SNTG1: variants seen among roughly 807,000 people sequenced by gnomAD.
The protein encoded by SNTG1 is syntrophin gamma 1, also known as gamma-1-syntrophin.
A neutral mutation model predicts 74.7 loss-of-function variants in SNTG1; 39 were observed. The observed-to-expected ratio is 0.52, with a 90% confidence interval of 0.40 to 0.68. The LOEUF is 0.68. SNTG1 is among the 30% of genes least tolerant of loss of function. The pLI is 0.00. For missense variants in SNTG1, 685 were observed against 609.5 expected (o/e 1.12, Z -1.30); for synonymous variants, 254 against 217.1 (o/e 1.17, Z -1.49).
chr8:50,438,609 C>A lies in SNTG1; in HGVS notation c.219+10C>A, dbSNP rs1454350476. ...TGGATTAAGCATAAAGGTAGCCTGC[C>A]TTTCTAGTCTATCCTTACAAAGGCC... On this transcript the variant is annotated intron_variant, in intron 5 of 18. Transcript: ENST00000642720. 3.7e-6 allele frequency: 6 copies of A among 1,609,848 alleles called. No homozygotes were observed. The highest frequency in any genetic ancestry group is 3.4e-6 in the Non-Finnish European group (4 of 1,176,832).
At chr8:50,787,122 T>C (rs1247671060) in intron 18 of SNTG1, among the ~76,000 whole-genome samples, 1 of 151,582 alleles carries the variant, frequency 6.6e-6, no homozygotes, top group Admixed American at 6.6e-5. Context: ...ATAAAGGGTT[T>C]TCAGAGAAAA....
chr8:50,443,679 G>A (rs556274070), intron 5 of SNTG1, among the ~76,000 whole-genome samples: 5 of 152,224 alleles, frequency 3.3e-5, no homozygotes, highest in Admixed American at 1.3e-4. Context: ...GTTATAAGCA[G>A]TAGAGTTGGA....
At chr8:50,610,089 T>A (rs1187551445) in intron 13 of SNTG1, among the ~76,000 whole-genome samples, 1 of 152,206 alleles carries the variant, frequency 6.6e-6, no homozygotes, top group African/African-American at 2.4e-5. Context: ...CGTTACCAAT[T>A]CTGGATTTTT....
intron 1 of SNTG1, among the ~76,000 whole-genome samples, chr8:49,991,420 A>G (rs980375408): frequency 1.3e-5 from 2 of 152,194 alleles, no homozygotes; most frequent in African/African-American, 4.8e-5. Context: ...CACACAACCT[A>G]GGAATTCTAC....
At chr8:50,351,528 A>G (rs1198466830) in intron 2 of SNTG1, among the ~76,000 whole-genome samples, 4 of 152,084 alleles carry the variant, frequency 2.6e-5, no homozygotes, top group Admixed American at 1.3e-4. Context: ...TAATTTCCTA[A>G]TGGACTTTAG....
chr8:50,143,710 G>A (rs367946874), intron 1 of SNTG1, among the ~76,000 whole-genome samples: 1 of 152,204 alleles, frequency 6.6e-6, no homozygotes, highest in East Asian at 1.9e-4. Flanking sequence ...TAACTCTGTT[G>A]GTCTGGTTTA....
chr8:50,448,468 G>T (rs1431546726), intron 5 of SNTG1, among the ~76,000 whole-genome samples: 1 of 152,088 alleles, frequency 6.6e-6, no homozygotes, highest in Non-Finnish European at 1.5e-5. Context: ...AGCTTAGGTG[G>T]TTTACATATT....
chr8:50,162,060 GTTGAA>G (rs2082434433), intron 1 of SNTG1, among the ~76,000 whole-genome samples: 6 of 152,166 alleles, frequency 3.9e-5, no homozygotes, highest in Admixed American at 1.3e-4. Context: ...GTGATTTGTG[GTTGAA>G]TTGAATTGTA....
At chr8:49,990,983 C>T (rs760283335) in intron 1 of SNTG1, among the ~76,000 whole-genome samples, 1 of 151,938 alleles carries the variant, frequency 6.6e-6, no homozygotes, top group Admixed American at 6.6e-5. Flanking sequence ...TCAAAAGACA[C>T]CATTAAGAGA....
intron 2 of SNTG1, among the ~76,000 whole-genome samples, chr8:50,268,913 C>T (rs1484697040): frequency 6.6e-6 from 1 of 152,196 alleles, no homozygotes; most frequent in South Asian, 2.1e-4. Context: ...TCTGCCTCGG[C>T]CTCCTAAAGT....
At chr8:50,009,994 TA>T (rs1815617704) in intron 1 of SNTG1, among the ~76,000 whole-genome samples, 1 of 152,172 alleles carries the variant, frequency 6.6e-6, no homozygotes, top group African/African-American at 2.4e-5. Context: ...AGACTCTGTC[TA>T]AAAAAACCCA....
In SNTG1 at chr8:50,253,418, C is replaced by T. The variant is rs111271022; in HGVS notation, c.-28+80783C>T. 1.5e-3 allele frequency among the ~76,000 whole-genome samples: 119 copies of T among 77,458 alleles called. 1 individual carries two copies. The highest frequency in any genetic ancestry group is 3.7e-3 in the African/African-American group (106 of 28,484). The allele number at this position is 77,458 out of a possible 152,430, so 50.8% of individuals were successfully genotyped here. A position where few individuals can be genotyped will look rare whatever the true frequency, so the allele number is the denominator to read the frequency against. ...AGCCTGTGCAACAAGAGTAAAACTC[C>T]GTCTTAAATAAATAAATAAATAAAT... On this transcript the variant is annotated intron_variant, in intron 2 of 18. Transcript: ENST00000642720.
chr8:50,041,559 T>G (rs1029988317), intron 1 of SNTG1, among the ~76,000 whole-genome samples: 3 of 152,074 alleles, frequency 2.0e-5, no homozygotes, highest in African/African-American at 7.3e-5. Context: ...CGATTGTAAA[T>G]ATTTTTTTTC....
chr8:50,734,910 TATATATATGTCCATATACATATATAG>T (rs2095523810), intron 17 of SNTG1, among the ~76,000 whole-genome samples: 1 of 142,204 alleles, frequency 7.0e-6, no homozygotes, highest in Admixed American at 7.1e-5. Context: ...TATATATATC[TATATATATGTCCATATACATATATAG>T]ATATATATGG....
At chr8:50,250,689 CAAAA>C (rs1360585892) in intron 2 of SNTG1, among the ~76,000 whole-genome samples, 1 of 151,830 alleles carries the variant, frequency 6.6e-6, no homozygotes, top group African/African-American at 2.4e-5. Flanking sequence ...AATAAACAAA[CAAAA>C]AGAAAGCAAA....
intron 18 of SNTG1, among the ~76,000 whole-genome samples, chr8:50,752,499 AT>A (rs1229529125): frequency 4.0e-5 from 6 of 151,898 alleles, no homozygotes; most frequent in Non-Finnish European, 7.4e-5. Context: ...ATTTACATAT[AT>A]TTTTTCACAT....
At chr8:50,106,460 A>C (rs1252435020) in intron 1 of SNTG1, among the ~76,000 whole-genome samples, 1 of 152,138 alleles carries the variant, frequency 6.6e-6, no homozygotes, top group Non-Finnish European at 1.5e-5. Context: ...GAATAGGAAT[A>C]GTGAGGGTTG....
chr8:50,366,571 T>C (rs910386762), intron 2 of SNTG1, among the ~76,000 whole-genome samples: 3 of 151,280 alleles, frequency 2.0e-5, no homozygotes, highest in Non-Finnish European at 2.9e-5. Flanking sequence ...GGGATCTACA[T>C]TGAAAATAAG....
intron 1 of SNTG1, among the ~76,000 whole-genome samples, chr8:50,088,854 C>T (rs549121677): frequency 6.7e-6 from 1 of 148,934 alleles, no homozygotes; most frequent in African/African-American, 2.4e-5. Flanking sequence ...AGATTCAATG[C>T]TATCCCCATC....
Sources: gnomAD v4.1 joint callset for allele counts (sites outside exome capture counted in the v4.1 genomes callset) on GRCh38, gnomAD v4.1.1 for gene constraint, MANE v1.5 for transcripts, NCBI Gene and HGNC (gene_info 2026-07-23, HGNC 2026-07-21) for gene names.